The following ZSWIM4 variants were observed in gnomAD, a reference collection of about 807,000 sequenced individuals.
The protein encoded by ZSWIM4 is zinc finger SWIM domain-containing protein 4.
A neutral mutation model predicts 102.5 loss-of-function variants in ZSWIM4; 62 were observed. That is an observed-to-expected ratio of 0.60 (90% CI 0.49 to 0.75). The LOEUF (loss-of-function observed/expected upper bound fraction) is 0.75. Ranked by LOEUF, ZSWIM4 falls within the 30% of genes least tolerant of loss-of-function variation. The probability of loss-of-function intolerance (pLI) is 0.00; values close to 1 mark genes in which losing one functional copy is unlikely to be tolerated. For synonymous variants in ZSWIM4, 652 were observed against 674.5 expected, an observed-to-expected ratio of 0.97 and a Z score of 0.52; for missense variants, 1,280 against 1,529.6, an observed-to-expected ratio of 0.84 and a Z score of 2.72.
chr19:13,830,284 ACGC>A lies in ZSWIM4; in HGVS notation c.2557_2559del (p.Ala853del). 1 of 1,613,850 alleles carries A rather than the reference ACGC, an allele frequency of 6.2e-7. No homozygotes were observed. The highest frequency in any genetic ancestry group is 8.5e-7 in the Non-Finnish European group (1 of 1,179,986). On this transcript the variant is annotated inframe_deletion, in exon 14 of 14. Coordinates refer to ENST00000590508, the MANE Select transcript of ZSWIM4 (RefSeq NM_001367834.3). ...ATCGTGGCAGTGACGGGCACCACAC[ACGC>A]CACTCTGCTGCGACTGCAGCTGGAC...
rs1364638272 is a variant in ZSWIM4 at position 13,808,856 on chromosome 19, G to A, written c.733G>A (p.Gly245Ser). The change falls in exon 4 of 14, where the codon GGC becomes AGC. Residue 245 changes from glycine (G) to serine (S), a missense_variant. Gly to Ser is a moderately conservative substitution (Grantham distance 56, BLOSUM62 0). Coordinates refer to ENST00000590508, the MANE Select transcript of ZSWIM4 (RefSeq NM_001367834.3). The part of the protein sequence containing the change: ...LVNGAPDPTA[G>S]AGIEDANCWH... ...GGCAGGTGCCCCAGACCCCACCGCC[G>A]GCGCAGGAATCGAGGACGCCAACTG... 5.0e-6 allele frequency: 8 copies of A among 1,608,676 alleles called. No homozygotes were observed. The African/African-American group carries it at 5.4e-5, about 11-fold the overall frequency.
chr19:13,808,823 T>C lies in ZSWIM4; in HGVS notation c.713-13T>C, dbSNP rs1599590207. ...AGCCCCAGCCTCAGCTTCCTTTCCC[T>C]CCCTCCCGGCAGGTGCCCCAGACCC... On this transcript the variant is annotated splice_polypyrimidine_tract_variant and intron_variant, in intron 3 of 13. Coordinates refer to ENST00000590508, the MANE Select transcript of ZSWIM4 (RefSeq NM_001367834.3). The C allele has an allele frequency of 1.4e-6, 2 of 1,452,492 alleles. No individual in the cohort carries two copies. The highest frequency in any genetic ancestry group is 1.7e-5 in the African/African-American group (1 of 59,008). The allele number at this position is 1,452,492 out of a possible 1,614,324, so 90.0% of individuals were successfully genotyped here.
intron 10 of ZSWIM4, among the ~76,000 whole-genome samples, chr19:13,821,990 C>T (rs146794875): frequency 0.01 from 1,541 of 152,246 alleles, 21 homozygotes; most frequent in African/African-American, 0.036. Flanking sequence ...CCCACCTCAG[C>T]CTCCCAAAGT....
chr19:13,817,556 C>A, intron 8 of ZSWIM4, 166 bp from the exon 9 acceptor site: 2 of 1,059,468 alleles, frequency 1.9e-6, no homozygotes, highest in Non-Finnish European at 2.7e-6. Context: ...CTAGCTGCTG[C>A]TAGAAGGTGG....
In ZSWIM4 at chr19:13,813,177, G is replaced by A; in HGVS notation, c.1180+13G>A. The A allele has an allele frequency of 6.3e-7, 1 of 1,597,900 alleles. No homozygotes were observed. Among genetic ancestry groups the A allele is most frequent in the Non-Finnish European group, 8.6e-7 (1 of 1,169,188 alleles). ...GCCCCCGCCCCAGGTAGGAGAGAGG[G>A]GTCTTTACCATGCCCCCCAAAAACC... On this transcript the variant is annotated intron_variant, in intron 6 of 13. Transcript: ENST00000590508.
intron 12 of ZSWIM4, among the ~76,000 whole-genome samples, chr19:13,826,722 A>T (rs1975621101): frequency 6.6e-6 from 1 of 151,956 alleles, no homozygotes; most frequent in African/African-American, 2.4e-5. Context: ...CCGAAATCAC[A>T]CCACTGCATT....
At chr19:13,820,817 T>C (rs996184692) in intron 10 of ZSWIM4, among the ~76,000 whole-genome samples, 1 of 150,706 alleles carries the variant, frequency 6.6e-6, no homozygotes, top group Non-Finnish European at 1.5e-5. Context: ...ATTTGTCTTA[T>C]CACACAGTAC....
chr19:13,811,680 A>T (rs1289572978), intron 5 of ZSWIM4, among the ~76,000 whole-genome samples: 1 of 152,116 alleles, frequency 6.6e-6, no homozygotes, highest in East Asian at 1.9e-4. Context: ...AATTTTTTAA[A>T]AACCGGCTTT....
At chr19:13,801,248 T>C (rs2607272) in intron 2 of ZSWIM4, among the ~76,000 whole-genome samples, 68,059 of 151,794 alleles carry the variant, frequency 0.45, 18,586 homozygotes, top group African/African-American at 0.78. Context: ...AGGCTTCAGG[T>C]CCAGATGGGG....
intron 10 of ZSWIM4, among the ~76,000 whole-genome samples, 155 bp downstream of exon 10, chr19:13,819,647 C>CATT (rs942008582): frequency 6.6e-6 from 1 of 150,878 alleles, no homozygotes; most frequent in East Asian, 1.9e-4. Context: ...ATGTGCTTTT[C>CATT]ATTATTATTA....
In ZSWIM4 at chr19:13,804,913, C is replaced by G; in HGVS notation, c.477C>G (p.Asn159Lys). The stretch of plus-strand genomic sequence containing the variant: ...CGTCCGTGAGCTGCGGCTGTGACAA[C>G]CGCGACCTCTTCTACTGTGCCCACG... The part of the protein sequence containing the change: ...KITSVSCGCD[N>K]RDLFYCAHVV... The change falls in exon 3 of 14, where the codon AAC (asparagine) becomes AAG (lysine). Residue 159 changes from asparagine (N) to lysine (K), a missense_variant. Coordinates refer to ENST00000590508, the MANE Select transcript of ZSWIM4 (RefSeq NM_001367834.3). The G allele has an allele frequency of 6.2e-7, 1 of 1,613,546 alleles. No individual in the cohort carries two copies. Among genetic ancestry groups the G allele is most frequent in the Non-Finnish European group, 8.5e-7 (1 of 1,180,020 alleles).
chr19:13,820,553 T>C (rs1324087715), intron 10 of ZSWIM4, among the ~76,000 whole-genome samples: 1 of 152,210 alleles, frequency 6.6e-6, no homozygotes, highest in Non-Finnish European at 1.5e-5. Context: ...TAATATTATT[T>C]TGAGTTTGAG....
Position 13,808,822 on chromosome 19 carries a change from C to T in ZSWIM4, c.713-14C>T. On this transcript the variant is annotated splice_polypyrimidine_tract_variant and intron_variant, in intron 3 of 13. Coordinates refer to ENST00000590508, the MANE Select transcript of ZSWIM4 (RefSeq NM_001367834.3). ...CAGCCCCAGCCTCAGCTTCCTTTCC[C>T]TCCCTCCCGGCAGGTGCCCCAGACC... 6.3e-7 allele frequency: 1 copy of T among 1,588,996 alleles called. No individual in the cohort carries two copies. Among genetic ancestry groups the T allele is most frequent in the South Asian group, 1.1e-5 (1 of 88,178 alleles).
intron 5 of ZSWIM4, among the ~76,000 whole-genome samples, chr19:13,811,548 C>A (rs1975092034): frequency 6.6e-6 from 1 of 151,756 alleles, no homozygotes; most frequent in South Asian, 2.1e-4. Context: ...CAAAAAAAGG[C>A]GCTTGGCACA....
intron 3 of ZSWIM4, among the ~76,000 whole-genome samples, chr19:13,808,386 G>T (rs1275484719): frequency 6.6e-6 from 1 of 151,878 alleles, no homozygotes; most frequent in African/African-American, 2.4e-5. Context: ...GCAGATGGGT[G>T]GGTGGGGTTT....
intron 5 of ZSWIM4, 57 bp from the exon 6 acceptor site, chr19:13,812,940 A>C (rs1369366376): frequency 6.5e-7 from 1 of 1,538,798 alleles, no homozygotes; most frequent in African/African-American, 1.4e-5. Flanking sequence ...GCACTGCGGA[A>C]GTGTGTGTTG....
At position 13,823,494 on chromosome 19, in the gene ZSWIM4, G is replaced by A. The variant is rs773972459; in HGVS notation, c.2209G>A (p.Ala737Thr). ...CELASTMLTA[A>T]KGDPKWLHTV... ...ACTGGCTTCCACCATGTTGACGGCC[G>A]CCAAGGGTGAGGCTGGCAGCTGTCC... The change falls in exon 11 of 14, where the codon GCC (alanine) becomes ACC (threonine). Residue 737 changes from alanine to threonine, a missense_variant. Physicochemically the swap from Ala to Thr is moderately conservative, Grantham distance 58. Transcript: ENST00000590508. The A allele has an allele frequency of 2.2e-5, 34 of 1,569,486 alleles. No homozygotes were observed. The highest frequency in any genetic ancestry group is 5.6e-5 in the Admixed American group (3 of 53,100).
Position 13,820,722 on chromosome 19 carries a change from G to T in ZSWIM4, c.2060+1230G>T, listed in dbSNP as rs73922776. Among the ~76,000 whole-genome samples, 1,142 of 152,264 alleles carry T rather than the reference G, an allele frequency of 7.5e-3. 16 individuals carry two copies. Among genetic ancestry groups the T allele is most frequent in the African/African-American group, 0.026 (1,093 of 41,546 alleles). On this transcript the variant is annotated intron_variant, in intron 10 of 13. Transcript: ENST00000590508. Reference sequence around the variant, plus strand: ...TCTGCAAACCCATAATCTGGAAATTGAACGTTGATCCTCCTTTTATACCAG... The same window carrying T: ...TCTGCAAACCCATAATCTGGAAATTTAACGTTGATCCTCCTTTTATACCAG...
Position 13,825,743 on chromosome 19 carries a change from C to A in ZSWIM4, c.2379+30C>A, listed in dbSNP as rs142728139. 6.3e-7 allele frequency: 1 copy of A among 1,591,740 alleles called. No individual in the cohort carries two copies. Among genetic ancestry groups the A allele is most frequent in the Admixed American group, 1.7e-5 (1 of 59,264 alleles). On this transcript the variant is annotated intron_variant, in intron 12 of 13. Transcript: ENST00000590508. The surrounding 1 kb of genome is among the most constrained non-coding windows in gnomAD (Gnocchi z 4.6). ...GGGCTGCCAGGTGGATGCGGGAGGG[C>A]GATGGTGGCTCGGGGCCAGGACTGA...
Sources: allele counts gnomAD v4.1 joint callset (sites outside exome capture counted in the v4.1 genomes callset), GRCh38; gene constraint gnomAD v4.1.1; non-coding constraint Gnocchi (gnomAD v3.1); transcripts MANE v1.5; gene names NCBI Gene and HGNC (gene_info 2026-07-23, HGNC 2026-07-21).